CFAP44: variants seen among roughly 807,000 people sequenced by gnomAD.
CFAP44 encodes the protein cilia- and flagella-associated protein 44.
A neutral mutation model predicts 216.2 loss-of-function variants in CFAP44; 134 were observed. The ratio of observed to expected loss-of-function variants is 0.62; its 90% CI spans 0.54 to 0.72. The LOEUF is 0.72. Among genes scored for constraint, CFAP44 ranks in the 30% least tolerant of loss-of-function variants. The probability of loss-of-function intolerance (pLI) is 0.00; values close to 1 mark genes in which losing one functional copy is unlikely to be tolerated. For synonymous variants in CFAP44, 700 were observed against 727.6 expected, an observed-to-expected ratio of 0.96 and a Z score of 0.61; for missense variants, 2,035 against 2,182.1, an observed-to-expected ratio of 0.93 and a Z score of 1.34.
intron 15 of CFAP44, among the ~76,000 whole-genome samples, chr3:113,383,954 T>C (rs112792360): frequency 0.081 from 12,262 of 151,000 alleles, 591 homozygotes; most frequent in East Asian, 0.15. Flanking sequence ...CCTGTGTCCA[T>C]GTGTTCTCAT....
chr3:113,343,486 A>T (rs1343765502), intron 23 of CFAP44, among the ~76,000 whole-genome samples: 1 of 152,216 alleles, frequency 6.6e-6, no homozygotes, highest in East Asian at 1.9e-4. Flanking sequence ...TCATATTTCA[A>T]ATTTCAAATA....
chr3:113,376,551 G>A (rs1933349869), intron 17 of CFAP44, among the ~76,000 whole-genome samples: 2 of 152,188 alleles, frequency 1.3e-5, no homozygotes, highest in Admixed American at 1.3e-4. Context: ...TCAGAAGAGT[G>A]TAATGTCTTA....
chr3:113,331,579 T>C (rs1950241436), intron 25 of CFAP44, among the ~76,000 whole-genome samples: 1 of 150,600 alleles, frequency 6.6e-6, no homozygotes, highest in African/African-American at 2.5e-5. Context: ...AAAATAAACC[T>C]TTAAATCACT....
In CFAP44 at chr3:113,286,963, A is replaced by G. The variant is rs768574631; in HGVS notation, c.*4594T>C. On this transcript the variant is annotated 3_prime_UTR_variant, in exon 35 of 35. Coordinates refer to ENST00000393845, the MANE Select transcript of CFAP44 (RefSeq NM_001164496.2). ...AAATTGGTATTTATTTTTCTATTAT[A>G]GCCATATTTATATATTTATGCACTT... 37 of 1,155,828 alleles carry G rather than the reference A, an allele frequency of 3.2e-5. No homozygotes were observed. The highest frequency in any genetic ancestry group is 3.8e-5 in the Non-Finnish European group (31 of 819,390). The allele number at this position is 1,155,828 out of a possible 1,614,324, so 71.6% of individuals were successfully genotyped here.
In CFAP44 at chr3:113,433,552, TATC is replaced by T; in HGVS notation, c.100+10_100+12del. On this transcript the variant is annotated intron_variant, in intron 2 of 34. Transcript: ENST00000393845. ...TTAATACTTTTAAAAGTATACATAT[TATC>T]TTTACTTACATCTTGATTCTGATTT... is the stretch of plus-strand genomic sequence containing the variant. 6.4e-7 allele frequency: 1 copy of T among 1,573,000 alleles called. No individual in the cohort carries two copies. The highest frequency in any genetic ancestry group is 8.7e-7 in the Non-Finnish European group (1 of 1,145,912).
At chr3:113,351,745 C>T (rs1332013285) in intron 22 of CFAP44, among the ~76,000 whole-genome samples, 1 of 132,654 alleles carries the variant, frequency 7.5e-6, no homozygotes, top group Non-Finnish European at 1.6e-5. Flanking sequence ...TGGCTTCTCC[C>T]CTTTCTGGTC....
chr3:113,425,263 TA>T (rs1325027039), intron 4 of CFAP44, among the ~76,000 whole-genome samples: 1 of 152,228 alleles, frequency 6.6e-6, no homozygotes, highest in East Asian at 1.9e-4. Context: ...CCTATCTCTG[TA>T]AGTATTCCTT....
chr3:113,348,512 G>T (rs770955857), intron 22 of CFAP44, among the ~76,000 whole-genome samples: 1 of 152,194 alleles, frequency 6.6e-6, no homozygotes. Context: ...CATTGAAGGA[G>T]AATACACAGC....
Position 113,409,127 on chromosome 3 carries a change from G to A in CFAP44, c.869C>T (p.Thr290Ile). Residue 290 changes from threonine to isoleucine, a missense_variant, in exon 7 of 35, where the codon ACA (threonine) becomes ATA (isoleucine). Thr to Ile is a moderately conservative substitution (Grantham distance 89). Around this residue, in one of 3 missense-constraint regions of CFAP44, gnomAD observed 1,883 missense variants for 2,023.7 expected, o/e 0.93. Transcript: ENST00000393845. Reference protein sequence around the residue: ...FNPDKEEQLTTSGSGHIKFWE... With the variant: ...FNPDKEEQLTISGSGHIKFWE... ...CTACTTGATGTGGCCTGATCCCGAT[G>A]TAGTAAGCTGCTCTTCCTTATCAGG... 6.2e-7 allele frequency: 1 copy of A among 1,611,166 alleles called. No individual in the cohort carries two copies. The highest frequency in any genetic ancestry group is 1.1e-5 in the South Asian group (1 of 91,010).
At chr3:113,419,885 C>G (rs1265482590) in intron 5 of CFAP44, 132 bp downstream of exon 5, 4 of 828,738 alleles carry the variant, frequency 4.8e-6, no homozygotes, top group Non-Finnish European at 7.2e-6. Flanking sequence ...GGAATAAAGA[C>G]AGCTGTGCAT....
chr3:113,373,583 G>T, intron 17 of CFAP44, 27 bp from the exon 18 acceptor site: 1 of 1,507,958 alleles, frequency 6.6e-7, no homozygotes, highest in Non-Finnish European at 8.9e-7. Context: ...TAACATAGAA[G>T]GTGGTACTTG....
At chr3:113,360,729 T>A (rs1406264817) in intron 21 of CFAP44, 1 of 154,458 alleles carries the variant, frequency 6.5e-6, no homozygotes, top group East Asian at 1.9e-4. Flanking sequence ...CTGTGGTAGT[T>A]TTATCAGCAT....
At chr3:113,294,505 C>T (rs1186891723) in intron 34 of CFAP44, 182 bp downstream of exon 34, 1 of 683,340 alleles carries the variant, frequency 1.5e-6, no homozygotes, top group Non-Finnish European at 2.3e-6. Context: ...TAAAGCTAGT[C>T]CCTCAGGCCC....
chr3:113,440,236 G>A lies in CFAP44; in HGVS notation c.-6+1217C>T, dbSNP rs151009123. On this transcript the variant is annotated intron_variant, in intron 1 of 34. Transcript: ENST00000393845. ...ACACCACCTCGCCCGGCTAATTTTT[G>A]TATTTTTAGTAGACGGGTTTCCCCA... Among the ~76,000 whole-genome samples, 1,200 of 152,156 alleles carry A rather than the reference G, an allele frequency of 7.9e-3. 18 individuals carry two copies. The highest frequency in any genetic ancestry group is 0.027 in the African/African-American group (1,141 of 41,506).
chr3:113,322,904 T>C (rs1368767515), intron 28 of CFAP44, among the ~76,000 whole-genome samples: 2 of 152,174 alleles, frequency 1.3e-5, no homozygotes, highest in Non-Finnish European at 2.9e-5. Flanking sequence ...TGGGGACGCC[T>C]CAGGAAACTT....
At chr3:113,360,946 G>C (rs1016269779) in intron 21 of CFAP44, 31 of 238,560 alleles carry the variant, frequency 1.3e-4, no homozygotes, top group Non-Finnish European at 2.5e-4. Context: ...AAAGGCAGTT[G>C]AATTTGTTTT....
intron 17 of CFAP44, 45 bp from the exon 18 acceptor site, chr3:113,373,601 C>A: frequency 7.0e-7 from 1 of 1,432,256 alleles, no homozygotes; most frequent in South Asian, 1.7e-5. Context: ...TTGAATATAA[C>A]ACACATAAAT....
At chr3:113,433,531 T>C in intron 2 of CFAP44, 34 bp downstream of exon 2, 7 of 1,370,630 alleles carry the variant, frequency 5.1e-6, no homozygotes, top group Non-Finnish European at 7.1e-6. Flanking sequence ...CTAAGTTTAA[T>C]ACTTTTAAAA....
intron 18 of CFAP44, 99 bp downstream of exon 18, chr3:113,373,312 T>C (rs1174319547): frequency 4.9e-6 from 6 of 1,223,480 alleles, no homozygotes; most frequent in Non-Finnish European, 6.4e-6. Flanking sequence ...TACCCCTTCA[T>C]TTGGATGGAT....
Sources: allele counts gnomAD v4.1 joint callset (sites outside exome capture counted in the v4.1 genomes callset), GRCh38; gene constraint gnomAD v4.1.1; regional missense constraint gnomAD v4.1.1; transcripts MANE v1.5; gene names NCBI Gene and HGNC (gene_info 2026-07-23, HGNC 2026-07-21).